The following CBX7 variants were observed in gnomAD, a reference collection of about 807,000 sequenced individuals.
The protein encoded by CBX7 is chromobox protein homolog 7.
Under a neutral mutation model 31.4 loss-of-function variants are expected in CBX7, and 14 were observed. That is an observed-to-expected ratio of 0.45 (90% confidence interval 0.29 to 0.70). The LOEUF (loss-of-function observed/expected upper bound fraction) is 0.70, where lower values mean the gene tolerates loss of function less well. Ranked by LOEUF, CBX7 falls within the 30% of genes least tolerant of loss-of-function variation. The pLI, the probability that CBX7 is intolerant of heterozygous loss-of-function variation, is 0.11. For missense variants in CBX7, 269 were observed against 351.9 expected, an observed-to-expected ratio of 0.76 and a Z score of 1.89; for synonymous variants, 159 against 152.6, an observed-to-expected ratio of 1.04 and a Z score of -0.31.
intron 4 of CBX7, among the ~76,000 whole-genome samples, chr22:39,138,304 C>T (rs1275194247): frequency 6.6e-6 from 1 of 151,898 alleles, no homozygotes; most frequent in Non-Finnish European, 1.5e-5. Context: ...TTTAGGGATT[C>T]TGAGCATCGA....
chr22:39,146,889 T>C (rs2281258), intron 2 of CBX7, among the ~76,000 whole-genome samples: 28,077 of 151,896 alleles, frequency 0.18, 3,130 homozygotes, highest in East Asian at 0.43. Context: ...TGAAATGTTA[T>C]CTGGAGGCCT....
In CBX7 at chr22:39,139,971, A is replaced by C. The variant is rs1601559801; in HGVS notation, c.180-1269T>G. Among the ~76,000 whole-genome samples the C allele has an allele frequency of 2.6e-5, 4 of 152,200 alleles. No homozygotes were observed. The South Asian group carries it at 8.3e-4, about 32-fold the overall frequency. ...CACAACTTGACAATGCCACGAAGCT[A>C]CACATGACACATAAGACAACACAAC... On this transcript the variant is annotated intron_variant, in intron 3 of 5. Coordinates refer to ENST00000216133, the MANE Select transcript of CBX7 (RefSeq NM_175709.5).
At chr22:39,139,974 CAT>C (rs1325446027) in intron 3 of CBX7, among the ~76,000 whole-genome samples, 3 of 152,034 alleles carry the variant, frequency 2.0e-5, no homozygotes, top group Non-Finnish European at 2.9e-5. Context: ...CGAAGCTACA[CAT>C]GACACATAAG....
At chr22:39,136,754 A>T (rs1930268400) in intron 4 of CBX7, 1 of 152,306 alleles carries the variant, frequency 6.6e-6, no homozygotes. Context: ...AGGGGAAGAG[A>T]TAACGAACAC....
chr22:39,149,953 A>C, intron 1 of CBX7, 121 bp from the exon 2 acceptor site: 1 of 765,422 alleles, frequency 1.3e-6, no homozygotes, highest in Non-Finnish European at 2.3e-6. Flanking sequence ...GTGTCTCCCC[A>C]ACACACAAAC....
chr22:39,146,765 C>T (rs533285709), intron 2 of CBX7, among the ~76,000 whole-genome samples: 1 of 152,322 alleles, frequency 6.6e-6, no homozygotes, highest in South Asian at 2.1e-4. Context: ...TGACCACTGA[C>T]ATCATTCCTA....
At chr22:39,151,341 G>A (rs1930844416) in intron 1 of CBX7, among the ~76,000 whole-genome samples, 1 of 152,278 alleles carries the variant, frequency 6.6e-6, no homozygotes, top group African/African-American at 2.4e-5. Flanking sequence ...TTCACCCTTG[G>A]CCCGAGATGC....
intron 1 of CBX7, among the ~76,000 whole-genome samples, chr22:39,150,264 G>C (rs1258678780): frequency 6.6e-6 from 1 of 152,184 alleles, no homozygotes; most frequent in Non-Finnish European, 1.5e-5. Flanking sequence ...CTCTGGGGTA[G>C]TCCCCACGCT....
intron 1 of CBX7, among the ~76,000 whole-genome samples, chr22:39,151,605 C>G (rs1426206803): frequency 6.6e-6 from 1 of 152,198 alleles, no homozygotes; most frequent in African/African-American, 2.4e-5. Flanking sequence ...AGGAAAGGAA[C>G]TTCTCCCCAA....
intron 4 of CBX7, chr22:39,136,796 G>T (rs912355612): frequency 6.6e-6 from 1 of 152,286 alleles, no homozygotes; most frequent in Non-Finnish European, 1.5e-5. Flanking sequence ...TGTGGATGGA[G>T]TATATTCATC....
In CBX7 at chr22:39,133,622, T is replaced by TGTCCC. The variant is rs1397113814; in HGVS notation, c.*264_*268dup. The stretch of plus-strand genomic sequence containing the variant: ...CACTAGAGGAGAATGATAATGGTGG[T>TGTCCC]GTCCCGGGCAGGTGATCCTGTCCCC... On this transcript the variant is annotated 3_prime_UTR_variant, in exon 6 of 6. Transcript: ENST00000216133. 6.2e-6 allele frequency: 2 copies of TGTCCC among 324,140 alleles called. No individual in the cohort carries two copies. The highest frequency in any genetic ancestry group is 1.1e-5 in the Non-Finnish European group (2 of 176,954). The allele number at this position is 324,140 out of a possible 1,614,324, so 20.1% of individuals were successfully genotyped here.
rs1466404937 is a variant in CBX7, at chr22:39,134,696, G to C, written c.303C>G (p.Leu101=). ...SSHKAKGKEK[L]CFSLTCPLGS... is the part of the protein sequence containing the mutation. ...CGAGTGGGCACGTCAGGGAGAAGCA[G>C]AGCTTCTCCTTGCCCTTGGCCTTGT... The change falls in exon 5 of 6, where the codon CTC becomes CTG. Residue 101 remains leucine, a synonymous_variant. Coordinates refer to ENST00000216133, the MANE Select transcript of CBX7 (RefSeq NM_175709.5). 5 of 1,581,940 alleles carry C rather than the reference G, an allele frequency of 3.2e-6. No individual in the cohort carries two copies. The South Asian group carries it at 5.7e-5, about 18-fold the overall frequency.
chr22:39,152,311 G>C lies in CBX7; in HGVS notation c.69+65C>G. 1 of 1,081,506 alleles carries C rather than the reference G, an allele frequency of 9.2e-7. No individual in the cohort carries two copies. The allele number at this position is 1,081,506 out of a possible 1,614,324, so 67.0% of individuals were successfully genotyped here. A position where few individuals can be genotyped will look rare whatever the true frequency, so the allele number is the denominator to read the frequency against. On this transcript the variant is annotated intron_variant, in intron 1 of 5. Transcript: ENST00000216133. This position sits in a 1 kb window ranked among gnomAD's most constrained non-coding sequence, Gnocchi z 4.9. ...TTTCCCCTTCAGCCCCAGCGTGGAG[G>C]GAGCGGTGCTGGGGACGGGAGGGAC...
intron 2 of CBX7, among the ~76,000 whole-genome samples, chr22:39,144,873 A>C (rs1159602852): frequency 6.6e-6 from 1 of 152,222 alleles, no homozygotes; most frequent in African/African-American, 2.4e-5. Flanking sequence ...CTGGCGAGGT[A>C]GGTGCTTAGT....
At chr22:39,138,836 C>T (rs1161889540) in intron 3 of CBX7, 134 bp from the exon 4 acceptor site, 1 of 777,454 alleles carries the variant, frequency 1.3e-6, no homozygotes, top group African/African-American at 1.7e-5. Flanking sequence ...CACCAATCCT[C>T]CCCATTGCCT....
intron 3 of CBX7, 151 bp from the exon 4 acceptor site, chr22:39,138,853 G>A (rs1930347972): frequency 1.4e-6 from 1 of 718,534 alleles, no homozygotes; most frequent in Admixed American, 2.2e-5. Context: ...GCCTGGCTGG[G>A]GCCATAACAA....
chr22:39,151,194 G>A (rs1291529561), intron 1 of CBX7, among the ~76,000 whole-genome samples: 1 of 152,234 alleles, frequency 6.6e-6, no homozygotes, highest in Non-Finnish European at 1.5e-5. Context: ...ACTGAGCTTT[G>A]TGGAATAAAT....
intron 4 of CBX7, chr22:39,136,193 C>T (rs1053005876): frequency 6.6e-6 from 1 of 151,820 alleles, no homozygotes; most frequent in African/African-American, 2.4e-5. Context: ...ACTACAGCTA[C>T]TAAAGGGACG....
Position 39,152,559 on chromosome 22 carries a change from G to T in CBX7, c.-115C>A. ...CGGGGTCCCCGTCACCCTCGTCCGG[G>T]CGCGCACGCGCACGCGCACGCGCGC... On this transcript the variant is annotated 5_prime_UTR_variant, in exon 1 of 6. Transcript: ENST00000216133. This position sits in a 1 kb window ranked among gnomAD's most constrained non-coding sequence, Gnocchi z 4.9. 1 of 280,486 alleles carries T rather than the reference G, an allele frequency of 3.6e-6. No individual in the cohort carries two copies. Among genetic ancestry groups the T allele is most frequent in the Non-Finnish European group, 5.3e-6 (1 of 187,092 alleles). The allele number at this position is 280,486 out of a possible 1,614,324, so 17.4% of individuals were successfully genotyped here. A position where few individuals can be genotyped will look rare whatever the true frequency, so the allele number is the denominator to read the frequency against.
Sources: gnomAD v4.1 joint callset for allele counts (sites outside exome capture counted in the v4.1 genomes callset) on GRCh38, gnomAD v4.1.1 for gene constraint, Gnocchi (gnomAD v3.1) non-coding constraint, MANE v1.5 for transcripts, NCBI Gene and HGNC (gene_info 2026-07-23, HGNC 2026-07-21) for gene names.